The following GALNT8 variants were observed in gnomAD, a reference collection of about 807,000 sequenced individuals.
GALNT8 encodes probable polypeptide N-acetylgalactosaminyltransferase 8.
In GALNT8, 66 loss-of-function variants were observed where a neutral mutation model predicts 62.7. That is an observed-to-expected ratio of 1.05 (90% CI 0.86 to 1.29). The LOEUF (loss-of-function observed/expected upper bound fraction) is 1.29, where lower values mean the gene tolerates loss of function less well. GALNT8 is among the 50% of genes most tolerant of loss of function. GALNT8 has a pLI of 0.00. For synonymous variants in GALNT8, 288 were observed against 294.3 expected (o/e 0.98, Z 0.22); for missense variants, 771 against 791.8 (o/e 0.97, Z 0.32).
chr12:4,746,911 AAG>A (rs1419414143), intron 6 of GALNT8, among the ~76,000 whole-genome samples: 1 of 152,038 alleles, frequency 6.6e-6, no homozygotes, highest in Non-Finnish European at 1.5e-5. Context: ...AAGAAAGAAA[AAG>A]AAACAATAAA....
At chr12:4,769,671 A>G (rs1946414449) in intron 10 of GALNT8, among the ~76,000 whole-genome samples, 1 of 151,832 alleles carries the variant, frequency 6.6e-6, no homozygotes, top group African/African-American at 2.4e-5. Flanking sequence ...ATACAATATT[A>G]TCTTGTTATG....
At chr12:4,729,314 A>G (rs1378157255) in intron 2 of GALNT8, among the ~76,000 whole-genome samples, 1 of 152,194 alleles carries the variant, frequency 6.6e-6, no homozygotes, top group South Asian at 2.1e-4. Context: ...ATTTTCAAGA[A>G]TACCACATAT....
intron 6 of GALNT8, among the ~76,000 whole-genome samples, chr12:4,759,951 C>T (rs1184436735): frequency 6.6e-6 from 1 of 152,152 alleles, no homozygotes; most frequent in Admixed American, 6.5e-5. Flanking sequence ...GTTTTGTACC[C>T]ATCAGGATGG....
chr12:4,744,217 A>G (rs1460792643), intron 3 of GALNT8, among the ~76,000 whole-genome samples: 1 of 152,200 alleles, frequency 6.6e-6, no homozygotes, highest in African/African-American at 2.4e-5. Context: ...TCATTCTCTC[A>G]AGAACTTCTC....
intron 2 of GALNT8, among the ~76,000 whole-genome samples, chr12:4,729,578 A>G (rs1053721107): frequency 9.2e-5 from 14 of 152,120 alleles, no homozygotes; most frequent in Non-Finnish European, 1.6e-4. Context: ...AATGTACTCC[A>G]CATTTATCCA....
At chr12:4,730,960 G>A (rs1946219407) in intron 2 of GALNT8, among the ~76,000 whole-genome samples, 2 of 147,548 alleles carry the variant, frequency 1.4e-5, no homozygotes, top group Non-Finnish European at 3.0e-5. Context: ...CCATTCTCCT[G>A]CCTCAGCCTC....
At chr12:4,747,639 C>T (rs964053875) in intron 6 of GALNT8, among the ~76,000 whole-genome samples, 1 of 152,118 alleles carries the variant, frequency 6.6e-6, no homozygotes, top group Non-Finnish European at 1.5e-5. Flanking sequence ...TAGATTGCTT[C>T]CATATCTTGA....
intron 10 of GALNT8, among the ~76,000 whole-genome samples, chr12:4,768,988 C>CT (rs1946411614): frequency 5.3e-5 from 8 of 152,252 alleles, no homozygotes; most frequent in African/African-American, 1.7e-4. Flanking sequence ...GAGGCTATGA[C>CT]CCTTGTGACT....
At chr12:4,739,435 G>A (rs1015596942) in intron 3 of GALNT8, 106 bp downstream of exon 3, 11 of 775,232 alleles carry the variant, frequency 1.4e-5, no homozygotes, top group Non-Finnish European at 2.3e-5. Context: ...GGTTTCTCAT[G>A]TAGGGAAAAT....
At chr12:4,730,965 A>G (rs1946219430) in intron 2 of GALNT8, among the ~76,000 whole-genome samples, 1 of 149,342 alleles carries the variant, frequency 6.7e-6, no homozygotes, top group Non-Finnish European at 1.5e-5. Flanking sequence ...CTCCTGCCTC[A>G]GCCTCTCCGA....
At chr12:4,722,922 G>A (rs1231258998) in intron 1 of GALNT8, among the ~76,000 whole-genome samples, 3 of 152,086 alleles carry the variant, frequency 2.0e-5, no homozygotes, top group Non-Finnish European at 2.9e-5. Context: ...CAGGAAAGGA[G>A]CAGAGAAGTG....
At chr12:4,753,120 G>C (rs1277783813) in intron 6 of GALNT8, among the ~76,000 whole-genome samples, 1 of 152,112 alleles carries the variant, frequency 6.6e-6, no homozygotes, top group African/African-American at 2.4e-5. Flanking sequence ...TTGGGAGTTT[G>C]ATTATTAAAT....
chr12:4,758,774 A>G (rs1040146259), intron 6 of GALNT8, among the ~76,000 whole-genome samples: 1 of 126,112 alleles, frequency 7.9e-6, no homozygotes, highest in African/African-American at 2.8e-5. Flanking sequence ...ATAAACGGCA[A>G]TCTTTTTTTT....
intron 6 of GALNT8, among the ~76,000 whole-genome samples, chr12:4,758,637 TGA>T (rs60343127): frequency 6.4e-4 from 38 of 59,746 alleles, no homozygotes; most frequent in African/African-American, 1.6e-3. Flanking sequence ...TGTGTGTGTG[TGA>T]GAGAGAGAGA....
intron 3 of GALNT8, among the ~76,000 whole-genome samples, chr12:4,740,008 G>A (rs1334643930): frequency 2.6e-5 from 4 of 152,164 alleles, no homozygotes; most frequent in African/African-American, 9.7e-5. Flanking sequence ...CCTGGGGGCT[G>A]AAGCAGAGTC....
intron 2 of GALNT8, among the ~76,000 whole-genome samples, chr12:4,736,157 C>T (rs1454897958): frequency 6.6e-6 from 1 of 152,134 alleles, no homozygotes; most frequent in African/African-American, 2.4e-5. Context: ...TGCTCAGGAA[C>T]AGGAAGACTG....
At chr12:4,770,549 A>G (rs1946419752) in intron 10 of GALNT8, among the ~76,000 whole-genome samples, 2 of 152,120 alleles carry the variant, frequency 1.3e-5, no homozygotes, top group African/African-American at 2.4e-5. Context: ...ACCAAGAGTT[A>G]TTGAATACAT....
At position 4,720,783 on chromosome 12, in the gene GALNT8, C is replaced by T; in HGVS notation, c.106C>T (p.Leu36=). ...TTCTAGCAAGGGGACTTTACAAAAC[C>T]TGTTTACGGGTGGTCTCCACAGGGA... The part of the protein sequence containing the change: ...VFSSKGTLQN[L]FTGGLHRELP... Residue 36 remains leucine (L), a synonymous_variant, in exon 1 of 11, where the codon CTG becomes TTG. Coordinates refer to ENST00000252318, the MANE Select transcript of GALNT8 (RefSeq NM_017417.2). 6.2e-7 allele frequency: 1 copy of T among 1,612,258 alleles called. No homozygotes were observed. The highest frequency in any genetic ancestry group is 8.5e-7 in the Non-Finnish European group (1 of 1,178,270).
chr12:4,723,103 A>G (rs1438824082), intron 1 of GALNT8, among the ~76,000 whole-genome samples: 1 of 152,198 alleles, frequency 6.6e-6, no homozygotes, highest in Admixed American at 6.5e-5. Flanking sequence ...ATTATGGTAC[A>G]GTTTTATGGA....
Sources: allele counts gnomAD v4.1 joint callset (sites outside exome capture counted in the v4.1 genomes callset), GRCh38; gene constraint gnomAD v4.1.1; transcripts MANE v1.5; gene names NCBI Gene and HGNC (gene_info 2026-07-23, HGNC 2026-07-21).